The following TBC1D22A variants were observed in gnomAD, a reference collection of about 807,000 sequenced individuals.
The protein encoded by TBC1D22A is TBC1 domain family member 22A, also known as putative GTPase activator.
Under a neutral mutation model 60.2 loss-of-function variants are expected in TBC1D22A, and 38 were observed. That is an observed-to-expected ratio of 0.63 (90% confidence interval 0.49 to 0.83). TBC1D22A has a LOEUF of 0.83. TBC1D22A is among the 40% of genes least tolerant of loss of function. The pLI is 0.00. For missense variants in TBC1D22A, 628 were observed against 701.0 expected (o/e 0.90, Z 1.18); for synonymous variants, 302 against 281.7 (o/e 1.07, Z -0.72).
chr22:47,070,527 CT>C (rs2063945032), intron 11 of TBC1D22A, among the ~76,000 whole-genome samples: 2 of 147,610 alleles, frequency 1.4e-5, no homozygotes, highest in Admixed American at 6.8e-5. Flanking sequence ...GCTGACCTGA[CT>C]GTTCCAGGCT....
chr22:47,125,876 T>C (rs1244321115), intron 12 of TBC1D22A, among the ~76,000 whole-genome samples: 2 of 152,156 alleles, frequency 1.3e-5, no homozygotes, highest in Non-Finnish European at 2.9e-5. Context: ...CCCAGGATGG[T>C]CAAGTACAGG....
At chr22:47,085,261 T>G (rs1020810429) in intron 11 of TBC1D22A, among the ~76,000 whole-genome samples, 1 of 152,210 alleles carries the variant, frequency 6.6e-6, no homozygotes, top group African/African-American at 2.4e-5. Context: ...GCCTGGGTGA[T>G]AGAGCAAGAC....
intron 4 of TBC1D22A, among the ~76,000 whole-genome samples, chr22:46,798,294 T>C (rs976484314): frequency 1.1e-4 from 17 of 152,212 alleles, no homozygotes; most frequent in African/African-American, 3.6e-4. Context: ...CAGTGGCTCA[T>C]GGGGGCACAG....
chr22:47,017,519 C>T (rs2061949476), intron 10 of TBC1D22A, among the ~76,000 whole-genome samples: 1 of 151,920 alleles, frequency 6.6e-6, no homozygotes, highest in Non-Finnish European at 1.5e-5. Flanking sequence ...TCTGGGCACA[C>T]CCAGCGGCTT....
At chr22:47,047,877 A>T (rs1259260564) in intron 11 of TBC1D22A, among the ~76,000 whole-genome samples, 1 of 151,806 alleles carries the variant, frequency 6.6e-6, no homozygotes, top group Non-Finnish European at 1.5e-5. Flanking sequence ...TCTGCTGCAG[A>T]CTCTGCTCCC....
At chr22:46,872,457 G>T (rs2067336464) in intron 4 of TBC1D22A, among the ~76,000 whole-genome samples, 1 of 152,208 alleles carries the variant, frequency 6.6e-6, no homozygotes, top group Non-Finnish European at 1.5e-5. Context: ...CTATGAAGGA[G>T]TAACTGCCAA....
At chr22:46,904,127 CTATCTAT>C (rs2069231794) in intron 7 of TBC1D22A, among the ~76,000 whole-genome samples, 2 of 100,408 alleles carry the variant, frequency 2.0e-5, no homozygotes, top group African/African-American at 8.0e-5. Flanking sequence ...ATCTATCTAT[CTATCTAT>C]CTATCTATCT....
chr22:46,897,635 GTTTTGTTTTTTTTTGTGT>G (rs1471806037), intron 7 of TBC1D22A, among the ~76,000 whole-genome samples: 6 of 125,548 alleles, frequency 4.8e-5, no homozygotes, highest in African/African-American at 2.1e-4. Flanking sequence ...GTTTTGTTTC[GTTTTGTTTTTTTTTGTGT>G]TTTTTTTTTT....
intron 9 of TBC1D22A, among the ~76,000 whole-genome samples, chr22:46,989,918 G>A (rs931346603): frequency 3.9e-5 from 6 of 152,128 alleles, no homozygotes; most frequent in East Asian, 1.9e-4. Flanking sequence ...TTCTCCCACC[G>A]CAGTCTCCTG....
At chr22:47,041,019 G>A (rs1175891412) in intron 11 of TBC1D22A, among the ~76,000 whole-genome samples, 2 of 152,146 alleles carry the variant, frequency 1.3e-5, no homozygotes. Flanking sequence ...TGTGCAGGTG[G>A]CGGGGGACTC....
chr22:47,032,893 A>G (rs150138544), intron 10 of TBC1D22A, among the ~76,000 whole-genome samples: 1,644 of 152,278 alleles, frequency 0.011, 19 homozygotes, highest in Non-Finnish European at 0.017. Context: ...CTGCCCTGGA[A>G]CGTTCCTTTC....
At chr22:47,060,411 C>T (rs567850198) in intron 11 of TBC1D22A, among the ~76,000 whole-genome samples, 4 of 151,254 alleles carry the variant, frequency 2.6e-5, no homozygotes, top group South Asian at 2.1e-4. Context: ...CCAGCTAATT[C>T]GTTGTTTTTT....
At chr22:47,050,938 G>A (rs948364326) in intron 11 of TBC1D22A, among the ~76,000 whole-genome samples, 6 of 152,178 alleles carry the variant, frequency 3.9e-5, no homozygotes, top group Admixed American at 2.6e-4. Context: ...CACCAATGCG[G>A]TGGAGGGAGC....
At chr22:46,858,068 C>T (rs2087662219) in intron 4 of TBC1D22A, among the ~76,000 whole-genome samples, 1 of 152,144 alleles carries the variant, frequency 6.6e-6, no homozygotes, top group South Asian at 2.1e-4. Context: ...CTGCAGCTGC[C>T]ACAGCATTTT....
At chr22:47,128,834 C>G (rs1032239466) in intron 12 of TBC1D22A, among the ~76,000 whole-genome samples, 1 of 152,146 alleles carries the variant, frequency 6.6e-6, no homozygotes, top group East Asian at 1.9e-4. Context: ...GCAGATGGGC[C>G]CCAGAGTCCC....
rs1276091827 is a variant in TBC1D22A at position 46,777,876 on chromosome 22, A to G, written c.63-14644A>G. Among the ~76,000 whole-genome samples the G allele has an allele frequency of 6.6e-6, 1 of 152,226 alleles. No homozygotes were observed. Among genetic ancestry groups the G allele is most frequent in the Non-Finnish European group, 1.5e-5 (1 of 68,042 alleles). ...GGTCCCTGTGTGAACATCACAGAGC[A>G]CATTTATACAAACCCAGGTAGAGTT... is the stretch of plus-strand genomic sequence containing the variant. On this transcript the variant is annotated intron_variant, in intron 1 of 12. Transcript: ENST00000337137. This position sits in a 1 kb window ranked among gnomAD's most constrained non-coding sequence, Gnocchi z 4.5.
intron 10 of TBC1D22A, among the ~76,000 whole-genome samples, chr22:47,000,977 G>T (rs1469731546): frequency 6.6e-6 from 1 of 152,304 alleles, no homozygotes; most frequent in East Asian, 1.9e-4. Context: ...CTGGGTGTGT[G>T]TTTCCTGATG....
chr22:46,999,099 T>C (rs577695724), intron 10 of TBC1D22A, among the ~76,000 whole-genome samples: 2 of 152,352 alleles, frequency 1.3e-5, no homozygotes, highest in South Asian at 4.1e-4. Context: ...GAAGGCGTAT[T>C]TCGTGTTTTC....
chr22:46,871,248 A>G (rs796783302), intron 4 of TBC1D22A, among the ~76,000 whole-genome samples: 19 of 152,366 alleles, frequency 1.2e-4, no homozygotes, highest in African/African-American at 4.6e-4. Context: ...AGAGAAATAA[A>G]CAAGTTTACA....
Sources: allele counts gnomAD v4.1 joint callset (sites outside exome capture counted in the v4.1 genomes callset), GRCh38; gene constraint gnomAD v4.1.1; non-coding constraint Gnocchi (gnomAD v3.1); transcripts MANE v1.5; gene names NCBI Gene and HGNC (gene_info 2026-07-23, HGNC 2026-07-21).